The following SCD5 variants were observed in gnomAD, a reference collection of about 807,000 sequenced individuals.
SCD5 encodes stearoyl-CoA desaturase 5.
In SCD5, 20 loss-of-function variants were observed where a neutral mutation model predicts 30.4. The ratio of observed to expected loss-of-function variants is 0.66; its 90% CI spans 0.46 to 0.96. The LOEUF is 0.96. SCD5 is among the 40% of genes least tolerant of loss of function. SCD5 has a pLI of 0.00. For missense variants in SCD5, 381 were observed against 443.3 expected (o/e 0.86, Z 1.26); for synonymous variants, 173 against 176.4 (o/e 0.98, Z 0.16).
chr4:82,737,289 G>C (rs983241082), intron 1 of SCD5, among the ~76,000 whole-genome samples: 1 of 152,166 alleles, frequency 6.6e-6, no homozygotes, highest in Non-Finnish European at 1.5e-5. Context: ...TTTTCTAGTT[G>C]TAATGCCTCT....
At chr4:82,769,725 A>T (rs1481329017) in intron 1 of SCD5, among the ~76,000 whole-genome samples, 1 of 152,204 alleles carries the variant, frequency 6.6e-6, no homozygotes, top group Non-Finnish European at 1.5e-5. Flanking sequence ...ATTTAATGGT[A>T]AAGGGTCCCA....
chr4:82,637,971 C>T (rs569450974), intron 3 of SCD5, among the ~76,000 whole-genome samples: 97 of 152,242 alleles, frequency 6.4e-4, no homozygotes, highest in African/African-American at 2.2e-3. Context: ...GTCAACCCAT[C>T]GCCTATTTAT....
intron 3 of SCD5, among the ~76,000 whole-genome samples, chr4:82,661,436 T>C (rs1483437582): frequency 6.6e-6 from 1 of 152,236 alleles, no homozygotes; most frequent in East Asian, 1.9e-4. Context: ...TGTCAGCAGT[T>C]TGCAGCAGTA....
Position 82,635,778 on chromosome 4 carries a change from C to T in SCD5, c.802+813G>A, listed in dbSNP as rs536928023. On this transcript the variant is annotated intron_variant, in intron 4 of 4. Coordinates refer to ENST00000319540, the MANE Select transcript of SCD5 (RefSeq NM_001037582.3). The stretch of plus-strand genomic sequence containing the variant: ...GATAGGGACACGAAAGGCAGAAGAA[C>T]GAGTGACTTGCCCAGAGAGTAAGTG... 3.9e-5 allele frequency among the ~76,000 whole-genome samples: 6 copies of T among 152,226 alleles called. No individual in the cohort carries two copies. The East Asian group carries it at 1.2e-3, about 29-fold the overall frequency.
chr4:82,752,100 G>A (rs1320578099), intron 1 of SCD5, among the ~76,000 whole-genome samples: 1 of 152,156 alleles, frequency 6.6e-6, no homozygotes, highest in African/African-American at 2.4e-5. Flanking sequence ...CCATAAGTCT[G>A]TGGGCAGGAG....
At chr4:82,787,256 T>C (rs1191913338) in intron 1 of SCD5, among the ~76,000 whole-genome samples, 1 of 151,988 alleles carries the variant, frequency 6.6e-6, no homozygotes, top group East Asian at 1.9e-4. Flanking sequence ...GGGGAAAGTA[T>C]GTCACCATGG....
intron 2 of SCD5, among the ~76,000 whole-genome samples, chr4:82,703,494 G>A (rs1167483990): frequency 6.6e-6 from 1 of 152,184 alleles, no homozygotes; most frequent in East Asian, 1.9e-4. Flanking sequence ...TAAAGGAACT[G>A]ATACTTGCAG....
intron 1 of SCD5, among the ~76,000 whole-genome samples, chr4:82,745,466 G>A (rs1370259498): frequency 1.3e-5 from 2 of 152,202 alleles, no homozygotes; most frequent in Non-Finnish European, 2.9e-5. Flanking sequence ...AGGCTGATGT[G>A]TCCATCTCAC....
At chr4:82,660,432 G>T in intron 3 of SCD5, 1 of 806,612 alleles carries the variant, frequency 1.2e-6, no homozygotes, top group Non-Finnish European at 1.4e-6. Context: ...AATCACTTTT[G>T]ACTTACAAAA....
At chr4:82,675,512 T>C (rs1298835659) in intron 3 of SCD5, among the ~76,000 whole-genome samples, 1 of 152,164 alleles carries the variant, frequency 6.6e-6, no homozygotes, top group African/African-American at 2.4e-5. Context: ...ACAGAACTGA[T>C]TTGCTCTTTT....
intron 1 of SCD5, among the ~76,000 whole-genome samples, chr4:82,786,251 C>T (rs960768090): frequency 6.6e-6 from 1 of 152,028 alleles, no homozygotes; most frequent in Non-Finnish European, 1.5e-5. Flanking sequence ...TTAATAAATG[C>T]TTTTTGATGT....
intron 3 of SCD5, among the ~76,000 whole-genome samples, chr4:82,670,640 T>C (rs180877666): frequency 1.3e-5 from 2 of 150,520 alleles, no homozygotes; most frequent in African/African-American, 4.9e-5. Context: ...GAATATCAAT[T>C]CCATATCAAT....
At chr4:82,741,508 A>G (rs1279383044) in intron 1 of SCD5, among the ~76,000 whole-genome samples, 1 of 152,202 alleles carries the variant, frequency 6.6e-6, no homozygotes, top group African/African-American at 2.4e-5. Flanking sequence ...TGCATGAGCC[A>G]GCCCAGGTGA....
intron 3 of SCD5, among the ~76,000 whole-genome samples, chr4:82,668,119 G>A (rs1506607): frequency 0.55 from 83,512 of 152,048 alleles, 23,774 homozygotes; most frequent in Middle Eastern, 0.63. Flanking sequence ...AACTGTGAGA[G>A]AAGAAGAACA....
chr4:82,652,190 G>A (rs1029312170), intron 3 of SCD5, among the ~76,000 whole-genome samples: 29 of 152,294 alleles, frequency 1.9e-4, no homozygotes, highest in Admixed American at 6.5e-5. Context: ...AGTAGGAAGC[G>A]AGGTATAAAA....
chr4:82,633,184 C>T (rs1325255675), intron 4 of SCD5, among the ~76,000 whole-genome samples: 1 of 134,910 alleles, frequency 7.4e-6, no homozygotes, highest in African/African-American at 3.2e-5. Flanking sequence ...CCATTCTGCT[C>T]TACTTCGTTC....
chr4:82,658,570 G>C (rs1727915519), intron 3 of SCD5, among the ~76,000 whole-genome samples: 1 of 142,330 alleles, frequency 7.0e-6, no homozygotes, highest in Non-Finnish European at 1.5e-5. Flanking sequence ...AGGTTCAAGT[G>C]ATTCCCCTGT....
At chr4:82,704,469 C>G (rs2148827235) in intron 2 of SCD5, among the ~76,000 whole-genome samples, 1 of 152,240 alleles carries the variant, frequency 6.6e-6, no homozygotes, top group Admixed American at 6.5e-5. Context: ...CAAAAGTACC[C>G]AAGGAAAGTA....
At chr4:82,786,792 T>TAAAA (rs11462424) in intron 1 of SCD5, among the ~76,000 whole-genome samples, 43 of 127,178 alleles carry the variant, frequency 3.4e-4, no homozygotes, top group African/African-American at 1.1e-3. Context: ...GACTTTGCCT[T>TAAAA]AAAAAAAAAA....
Sources: gnomAD v4.1 joint callset for allele counts (sites outside exome capture counted in the v4.1 genomes callset) on GRCh38, gnomAD v4.1.1 for gene constraint, MANE v1.5 for transcripts, NCBI Gene and HGNC (gene_info 2026-07-23, HGNC 2026-07-21) for gene names.